Variants in CSTPP1 observed in about 807,000 individuals in gnomAD.
CSTPP1 encodes centriolar satellite-associated tubulin polyglutamylase complex regulator 1, also known as UPF0705 protein C11orf49.
chr11:46,975,304 A>G, the CSTPP1 span, among the ~76,000 whole-genome samples: 15 of 152,310 alleles, frequency 9.8e-5, no homozygotes, highest in African/African-American at 2.6e-4. Flanking sequence ...TAGAAAATAT[A>G]TTTCTATAGT....
At chr11:47,035,905 A>G in the CSTPP1 span, among the ~76,000 whole-genome samples, 1 of 151,086 alleles carries the variant, frequency 6.6e-6, no homozygotes, top group Admixed American at 6.6e-5. Flanking sequence ...GTTCAAATCC[A>G]TGCTGTTCAA....
At chr11:46,979,774 A>G in the CSTPP1 span, among the ~76,000 whole-genome samples, 1 of 152,166 alleles carries the variant, frequency 6.6e-6, no homozygotes, top group African/African-American at 2.4e-5. Flanking sequence ...TTAGCTGAGC[A>G]TGGTGGCGGG....
the CSTPP1 span, among the ~76,000 whole-genome samples, chr11:47,147,679 A>G: frequency 2.0e-5 from 3 of 152,302 alleles, no homozygotes; most frequent in African/African-American, 7.2e-5. Context: ...TCTTACCAGA[A>G]GTGGCTGCAG....
At chr11:47,083,911 C>T in the CSTPP1 span, among the ~76,000 whole-genome samples, 7 of 152,282 alleles carry the variant, frequency 4.6e-5, no homozygotes, top group East Asian at 1.3e-3. Flanking sequence ...CTTCTAGGAA[C>T]ATTTGTCTCC....
chr11:47,100,170 A>C, the CSTPP1 span, among the ~76,000 whole-genome samples: 1 of 152,214 alleles, frequency 6.6e-6, no homozygotes, highest in African/African-American at 2.4e-5. Context: ...CAGAAAAATT[A>C]TAGTTTCATC....
the CSTPP1 span, chr11:47,161,483 C>G: frequency 1.2e-6 from 2 of 1,614,048 alleles, no homozygotes; most frequent in Non-Finnish European, 1.7e-6. Flanking sequence ...GGTCCCAGGC[C>G]TGGTCAACTC....
At chr11:47,007,942 A>C in the CSTPP1 span, among the ~76,000 whole-genome samples, 164 of 152,168 alleles carry the variant, frequency 1.1e-3, 2 homozygotes, top group South Asian at 5.2e-3. Flanking sequence ...CCAGCCCCCA[A>C]CGTGGGTGGG....
chr11:47,161,414 C>G, the CSTPP1 span: 5 of 1,607,486 alleles, frequency 3.1e-6, no homozygotes, highest in Non-Finnish European at 4.2e-6. Context: ...AGGCCCTGCT[C>G]TCTGTACAGG....
the CSTPP1 span, among the ~76,000 whole-genome samples, chr11:47,113,142 C>T: frequency 6.6e-6 from 1 of 152,310 alleles, no homozygotes; most frequent in East Asian, 1.9e-4. Context: ...TTTCTAGCTT[C>T]ATCTATGTCC....
the CSTPP1 span, among the ~76,000 whole-genome samples, chr11:47,049,585 G>A: frequency 6.6e-6 from 1 of 152,002 alleles, no homozygotes; most frequent in Non-Finnish European, 1.5e-5. Flanking sequence ...AGGTTGCAGT[G>A]AGCCAAGATG....
the CSTPP1 span, among the ~76,000 whole-genome samples, chr11:46,996,357 G>A: frequency 6.6e-6 from 1 of 151,086 alleles, no homozygotes; most frequent in South Asian, 2.1e-4. Context: ...AGGCTGGAGT[G>A]CAGTGGTGCA....
chr11:47,019,497 C>G, the CSTPP1 span, among the ~76,000 whole-genome samples: 1 of 152,038 alleles, frequency 6.6e-6, no homozygotes, highest in African/African-American at 2.4e-5. Flanking sequence ...CACTTAGAGG[C>G]CATTGTAGGG....
the CSTPP1 span, among the ~76,000 whole-genome samples, chr11:47,133,279 G>A: frequency 6.6e-6 from 1 of 152,240 alleles, no homozygotes; most frequent in Non-Finnish European, 1.5e-5. Context: ...AAGTTTAGCA[G>A]TCTGACCACC....
At chr11:46,937,415 A>C in the CSTPP1 span, among the ~76,000 whole-genome samples, 2 of 152,176 alleles carry the variant, frequency 1.3e-5, no homozygotes, top group East Asian at 3.9e-4. Flanking sequence ...TGCCCACTCC[A>C]ACAGAACTTG....
the CSTPP1 span, among the ~76,000 whole-genome samples, chr11:47,007,177 C>T: frequency 6.6e-6 from 1 of 151,672 alleles, no homozygotes; most frequent in East Asian, 2.0e-4. Flanking sequence ...GGATTACAGG[C>T]GCCCACCACC....
At chr11:47,155,349 C>A in the CSTPP1 span, 1 of 1,171,906 alleles carries the variant, frequency 8.5e-7, no homozygotes, top group Non-Finnish European at 1.3e-6. Context: ...GTGCCTGGCA[C>A]ACACGTTTCT....
chr11:46,984,962 A>G, the CSTPP1 span, among the ~76,000 whole-genome samples: 1 of 152,176 alleles, frequency 6.6e-6, no homozygotes, highest in Non-Finnish European at 1.5e-5. Flanking sequence ...TTTTGAAAAC[A>G]ATACCAGAAA....
chr11:47,153,353 A>C, the CSTPP1 span, among the ~76,000 whole-genome samples: 15 of 150,196 alleles, frequency 1.0e-4, no homozygotes, highest in South Asian at 2.7e-3. Flanking sequence ...CTAGTGTTGA[A>C]CTCTGGTGGT....
At chr11:47,157,228 G>A in the CSTPP1 span, 23 of 1,550,458 alleles carry the variant, frequency 1.5e-5, no homozygotes, top group African/African-American at 1.2e-4. Flanking sequence ...GGTGAGGAAC[G>A]GGCATGCAGC....
Sources: gnomAD v4.1 joint callset for allele counts (sites outside exome capture counted in the v4.1 genomes callset) on GRCh38, gnomAD v4.1.1 for gene constraint, MANE v1.5 for transcripts, NCBI Gene and HGNC (gene_info 2026-07-23, HGNC 2026-07-21) for gene names.